Variants in XRCC1 observed in about 807,000 individuals in gnomAD.
XRCC1 encodes the protein DNA repair protein XRCC1.
Under a neutral mutation model 83.3 loss-of-function variants are expected in XRCC1, and 52 were observed. The ratio of observed to expected loss-of-function variants is 0.62; its 90% CI spans 0.50 to 0.79. XRCC1 has a LOEUF of 0.79. Ranked by LOEUF, XRCC1 falls within the 30% of genes least tolerant of loss-of-function variation. The pLI is 0.00. For missense variants in XRCC1, 793 were observed against 823.5 expected, an observed-to-expected ratio of 0.96 and a Z score of 0.45; for synonymous variants, 281 against 312.6, an observed-to-expected ratio of 0.90 and a Z score of 1.07.
chr19:43,556,210 T>A (rs758220358), intron 3 of XRCC1, among the ~76,000 whole-genome samples: 14 of 152,184 alleles, frequency 9.2e-5, no homozygotes, highest in Non-Finnish European at 1.9e-4. Context: ...TTAAGGGTTA[T>A]GCACGTGGTG....
chr19:43,575,285 T>C, intron 1 of XRCC1, 123 bp downstream of exon 1: 2 of 1,137,678 alleles, frequency 1.8e-6, no homozygotes, highest in Middle Eastern at 2.1e-4. Flanking sequence ...AATTCACTTT[T>C]AGCCTCCTGG....
At chr19:43,575,049 C>G (rs376364854) in intron 1 of XRCC1, 47 bp from the exon 2 acceptor site, 34 of 1,481,054 alleles carry the variant, frequency 2.3e-5, no homozygotes, top group Non-Finnish European at 3.2e-5. Context: ...GAGATGACAG[C>G]TAGGCCTCCA....
Position 43,552,848 on chromosome 19 carries a change from G to C in XRCC1, c.772C>G (p.Pro258Ala). The C allele has an allele frequency of 2.5e-6, 4 of 1,613,624 alleles. No individual in the cohort carries two copies. Among genetic ancestry groups the C allele is most frequent in the African/African-American group, 1.3e-5 (1 of 74,986 alleles). Residue 258 changes from proline to alanine, a missense_variant, in exon 8 of 17, where the codon CCC (proline) becomes GCC (alanine). Physicochemically the swap from Pro to Ala is conservative, Grantham distance 27 (BLOSUM62 -1). Transcript: ENST00000262887. ...GACAGCTGGGCTGGTGGTTTGCTGG[G>C]GGTCTTCTTTTCTTCTTGGTTCAAA... ...LDLNQEEKKTPSKPPAQLSPS... is the reference protein window; with the variant it reads ...LDLNQEEKKTASKPPAQLSPS...
Position 43,546,723 on chromosome 19 carries a change from G to T in XRCC1, c.1298C>A (p.Pro433His). The change falls in exon 12 of 17, where the codon CCC becomes CAC. Residue 433 changes from proline to histidine, a missense_variant. Pro to His is a moderately conservative substitution (Grantham distance 77). Transcript: ENST00000262887. Reference protein sequence around the residue: ...DEAPKLPQKQPQTKTKPTQAA... With the variant: ...DEAPKLPQKQHQTKTKPTQAA... The stretch of plus-strand genomic sequence containing the variant: ...CTGAGTGGGCTTGGTTTTGGTCTGG[G>T]GTTGCTAAGGAGGGAGAGTGGGTGG... The T allele has an allele frequency of 6.2e-7, 1 of 1,608,120 alleles. No homozygotes were observed. Among genetic ancestry groups the T allele is most frequent in the Non-Finnish European group, 8.5e-7 (1 of 1,177,770 alleles).
At chr19:43,560,095 C>A (rs1044189463) in intron 3 of XRCC1, among the ~76,000 whole-genome samples, 1 of 150,258 alleles carries the variant, frequency 6.7e-6, no homozygotes, top group Non-Finnish European at 1.5e-5. Context: ...AAAAAATGAA[C>A]AAAAGAAAAA....
intron 3 of XRCC1, among the ~76,000 whole-genome samples, chr19:43,559,295 A>G (rs770142781): frequency 7.2e-5 from 11 of 151,756 alleles, no homozygotes; most frequent in Non-Finnish European, 1.0e-4. Flanking sequence ...CATCCTGGCT[A>G]ACACAGTGAA....
Position 43,546,869 on chromosome 19 carries a change from C to G in XRCC1, c.1293+15G>C. 6.2e-7 allele frequency: 1 copy of G among 1,613,510 alleles called. No individual in the cohort carries two copies. The highest frequency in any genetic ancestry group is 1.7e-5 in the Admixed American group (1 of 59,986). On this transcript the variant is annotated intron_variant, in intron 11 of 16. Coordinates refer to ENST00000262887, the MANE Select transcript of XRCC1 (RefSeq NM_006297.3). ...TCCCACTACACCCTCCCCCACTGGA[C>G]AGGGGGCATCAGACCTTCTGAGGAA...
intron 14 of XRCC1, 89 bp downstream of exon 14, chr19:43,545,729 G>T (rs25476): frequency 0.047 from 71,330 of 1,529,884 alleles, 1,882 homozygotes; most frequent in Non-Finnish European, 0.053. Context: ...CACGGGGGCA[G>T]CAGTGACCCC....
intron 8 of XRCC1, 60 bp downstream of exon 8, chr19:43,552,735 CCG>C (rs1972593750): frequency 6.8e-7 from 1 of 1,461,986 alleles, no homozygotes; most frequent in Admixed American, 2.3e-5. Context: ...GGCTCCAGCC[CCG>C]CTTCCCCTAG....
chr19:43,545,780 G>GA lies in XRCC1; in HGVS notation c.1621+37dup, dbSNP rs779561324. 166 of 1,608,734 alleles carry GA rather than the reference G, an allele frequency of 1.0e-4. 2 individuals are homozygous for GA. The South Asian group carries it at 1.8e-3, about 17-fold the overall frequency. ...AAGTCCCAGCTGAGAACTGAGAAGAGAAAATGCCACTTCAGGAGGGATGGG... is the reference window on the plus strand; with the variant it reads ...AAGTCCCAGCTGAGAACTGAGAAGAGAAAAATGCCACTTCAGGAGGGATGGG... On this transcript the variant is annotated intron_variant, in intron 14 of 16. Transcript: ENST00000262887.
intron 2 of XRCC1, among the ~76,000 whole-genome samples, chr19:43,573,477 G>A (rs958043397): frequency 6.6e-6 from 1 of 152,128 alleles, no homozygotes; most frequent in Non-Finnish European, 1.5e-5. Flanking sequence ...CCAGTGGGAG[G>A]GAGAGGAGTG....
chr19:43,544,083 G>A, intron 15 of XRCC1, 61 bp downstream of exon 15: 1 of 1,451,400 alleles, frequency 6.9e-7, no homozygotes, highest in Non-Finnish European at 9.4e-7. Flanking sequence ...CCTCCCAGCA[G>A]GTCCCTGAGC....
At chr19:43,560,879 A>G (rs1451816259) in intron 3 of XRCC1, 31 bp downstream of exon 3, 3 of 1,551,498 alleles carry the variant, frequency 1.9e-6, no homozygotes, top group Middle Eastern at 1.7e-4. Context: ...GGCAGAGGTC[A>G]GTATGGGATC....
intron 4 of XRCC1, among the ~76,000 whole-genome samples, chr19:43,554,417 CCT>C (rs757466398): frequency 1.3e-5 from 2 of 149,898 alleles, no homozygotes; most frequent in Non-Finnish European, 3.0e-5. Flanking sequence ...CTCCGATTCC[CCT>C]CTGAGATGCT....
chr19:43,544,298 A>T, intron 14 of XRCC1, 64 bp from the exon 15 acceptor site: 1 of 1,436,054 alleles, frequency 7.0e-7, no homozygotes, highest in East Asian at 2.4e-5. Flanking sequence ...ACCAAACAGG[A>T]GTGACGAGGC....
Position 43,546,614 on chromosome 19 carries a change from G to A in XRCC1, c.1407C>T (p.Asp469=), listed in dbSNP as rs1262692423. Residue 469 remains aspartate (D), a synonymous_variant, in exon 12 of 17, where the codon GAC becomes GAT. Transcript: ENST00000262887. ...AASPVLQEDI[D]IEGVQSEGQD... is the part of the protein sequence containing the mutation. ...TCTGACCTGACTGTACCCCCTCAAT[G>A]TCTATATCTTCCTGGAGCACTGGTG... 1.2e-6 allele frequency: 2 copies of A among 1,611,054 alleles called. No homozygotes were observed. The highest frequency in any genetic ancestry group is 1.7e-5 in the Admixed American group (1 of 58,704).
At position 43,551,582 on chromosome 19, in the gene XRCC1, C is replaced by G. The variant is rs2146048793; in HGVS notation, c.1188G>C (p.Leu396=). The G allele has an allele frequency of 6.2e-7, 1 of 1,614,046 alleles. No individual in the cohort carries two copies. The highest frequency in any genetic ancestry group is 1.1e-5 in the South Asian group (1 of 91,070). The part of the protein sequence containing the change: ...VLDCHRMRRR[L]PSQRYLMAGP... The stretch of plus-strand genomic sequence containing the variant: ...GTGTGAGGCCTTACCTCTGGGAGGG[C>G]AGCCGCCGACGCATGCGGTGACAGT... The change falls in exon 10 of 17, where the codon CTG becomes CTC. Residue 396 remains leucine, a synonymous_variant. Coordinates refer to ENST00000262887, the MANE Select transcript of XRCC1 (RefSeq NM_006297.3).
At chr19:43,559,212 G>T (rs537762513) in intron 3 of XRCC1, among the ~76,000 whole-genome samples, 11 of 150,934 alleles carry the variant, frequency 7.3e-5, no homozygotes, top group Admixed American at 6.0e-4. Context: ...GGCCGGGTGC[G>T]GTGGCTCACA....
In XRCC1 at chr19:43,553,523, G is replaced by T; in HGVS notation, c.490-11C>A. 1 of 1,614,042 alleles carries T rather than the reference G, an allele frequency of 6.2e-7. No individual in the cohort carries two copies. ...GGTCACTGTCACCTTCTAAGGTCCC[G>T]CAAGGTCAGTATTATAGGTGGGCTG... On this transcript the variant is annotated splice_polypyrimidine_tract_variant and intron_variant, in intron 5 of 16. Coordinates refer to ENST00000262887, the MANE Select transcript of XRCC1 (RefSeq NM_006297.3).
Sources: gnomAD v4.1 joint callset for allele counts (sites outside exome capture counted in the v4.1 genomes callset) on GRCh38, gnomAD v4.1.1 for gene constraint, MANE v1.5 for transcripts, NCBI Gene and HGNC (gene_info 2026-07-23, HGNC 2026-07-21) for gene names.